The following TTLL5 variants were observed in gnomAD, a reference collection of about 807,000 sequenced individuals.
TTLL5 encodes tubulin polyglutamylase TTLL5.
In TTLL5, 132 loss-of-function variants were observed where a neutral mutation model predicts 168.4. That is an observed-to-expected ratio of 0.78 (90% CI 0.68 to 0.91). TTLL5 has a LOEUF of 0.91. TTLL5 is among the 40% of genes least tolerant of loss of function. The probability of loss-of-function intolerance (pLI) is 0.00; values close to 1 mark genes in which losing one functional copy is unlikely to be tolerated. For missense variants in TTLL5, 1,545 were observed against 1,581.5 expected (o/e 0.98, Z 0.39); for synonymous variants, 546 against 558.6 (o/e 0.98, Z 0.32).
At chr14:75,826,332 C>CACACAT (rs1555349336) in intron 28 of TTLL5, among the ~76,000 whole-genome samples, 3 of 150,682 alleles carry the variant, frequency 2.0e-5, no homozygotes, top group African/African-American at 7.3e-5. Context: ...CACACACACA[C>CACACAT]GAGTCTTTGT....
chr14:75,772,783 T>G (rs1158210864), intron 21 of TTLL5, among the ~76,000 whole-genome samples: 2 of 152,010 alleles, frequency 1.3e-5, no homozygotes, highest in Non-Finnish European at 2.9e-5. Context: ...TTCTCCTGCC[T>G]TAGCCTCCCA....
At chr14:75,663,003 C>T (rs767992774) in intron 1 of TTLL5, 52 bp from the exon 2 acceptor site, 4 of 729,112 alleles carry the variant, frequency 5.5e-6, no homozygotes, top group African/African-American at 1.7e-5. Context: ...AATAAATAGA[C>T]AACTGCATTG....
chr14:75,945,669 G>C (rs1176510851), intron 31 of TTLL5, among the ~76,000 whole-genome samples: 1 of 152,208 alleles, frequency 6.6e-6, no homozygotes, highest in Non-Finnish European at 1.5e-5. Flanking sequence ...CATTTGAGAA[G>C]GCCTAATAAA....
At chr14:75,665,228 A>G (rs1883170014) in intron 2 of TTLL5, among the ~76,000 whole-genome samples, 1 of 152,258 alleles carries the variant, frequency 6.6e-6, no homozygotes, top group Admixed American at 6.5e-5. Context: ...TTACTAATAC[A>G]TTAAATAATA....
chr14:75,914,033 A>AAAAATATATATATATATATATATAT, intron 31 of TTLL5, among the ~76,000 whole-genome samples: 2 of 71,116 alleles, frequency 2.8e-5, no homozygotes, highest in African/African-American at 1.6e-4. Context: ...AAAAAAAAAA[A>AAAAATATATATATATATATATATAT]ATATATATAT....
At chr14:75,727,783 C>T (rs1475549423) in intron 12 of TTLL5, 1 of 479,668 alleles carries the variant, frequency 2.1e-6, no homozygotes, top group South Asian at 1.5e-5. Flanking sequence ...CCATATGATT[C>T]CATTTATGTG....
intron 31 of TTLL5, among the ~76,000 whole-genome samples, chr14:75,914,725 G>A (rs1043650691): frequency 3.4e-5 from 5 of 147,518 alleles, no homozygotes; most frequent in African/African-American, 1.3e-4. Flanking sequence ...CCAGGTTCAC[G>A]CCATTCTCCT....
chr14:75,902,593 T>A lies in TTLL5; in HGVS notation c.3823+369T>A, dbSNP rs1308992863. 3 of 464,322 alleles carry A rather than the reference T, an allele frequency of 6.5e-6. No homozygotes were observed. In the Admixed American group the frequency reaches 7.0e-5, roughly 11 times the overall value. 28.8% of individuals were successfully genotyped at this position (464,322 alleles called of 1,614,324 possible). A position where few individuals can be genotyped will look rare whatever the true frequency, so the allele number is the denominator to read the frequency against. On this transcript the variant is annotated intron_variant, in intron 31 of 31. Coordinates refer to ENST00000298832, the MANE Select transcript of TTLL5 (RefSeq NM_015072.5). Reference sequence around the variant, plus strand: ...GCCCTGTGAGTTTGATCTTATCCCCTCCACATGAGGAAACAGGCTCAGAAA... The same window carrying A: ...GCCCTGTGAGTTTGATCTTATCCCCACCACATGAGGAAACAGGCTCAGAAA...
chr14:75,905,315 G>C (rs4903352), intron 31 of TTLL5, among the ~76,000 whole-genome samples: 126,568 of 152,212 alleles, frequency 0.83, 52,757 homozygotes, highest in Admixed American at 0.88. Flanking sequence ...AATTCTTCCT[G>C]TAAGTCTTGC....
intron 12 of TTLL5, among the ~76,000 whole-genome samples, chr14:75,728,325 T>TAGG (rs1888315110): frequency 1.4e-5 from 2 of 141,576 alleles, no homozygotes; most frequent in South Asian, 4.4e-4. Flanking sequence ...CATTGCACTC[T>TAGG]AGCCTGGGAG....
At chr14:75,850,429 T>A (rs894909313) in intron 28 of TTLL5, among the ~76,000 whole-genome samples, 12 of 95,654 alleles carry the variant, frequency 1.3e-4, no homozygotes, top group Non-Finnish European at 1.6e-4. Flanking sequence ...AAAAAAAAAA[T>A]TGGTAACTAA....
chr14:75,712,222 A>G lies in TTLL5; in HGVS notation c.740+4515A>G, dbSNP rs578022302. On this transcript the variant is annotated intron_variant, in intron 9 of 31. Coordinates refer to ENST00000298832, the MANE Select transcript of TTLL5 (RefSeq NM_015072.5). ...CCATAAGATTTTTCTGGGTCAGGCCAGGATGAAACCCAGTGGCTCCTGGCA... is the reference window on the plus strand; with the variant it reads ...CCATAAGATTTTTCTGGGTCAGGCCGGGATGAAACCCAGTGGCTCCTGGCA... The G allele has an allele frequency of 3.3e-5, 5 of 152,122 alleles. No individual in the cohort carries two copies. The South Asian group carries it at 1.0e-3, about 32-fold the overall frequency. 9.4% of individuals were successfully genotyped at this position (152,122 alleles called of 1,614,324 possible).
intron 23 of TTLL5, among the ~76,000 whole-genome samples, chr14:75,778,557 G>T (rs1336745045): frequency 6.6e-6 from 1 of 152,154 alleles, no homozygotes; most frequent in African/African-American, 2.4e-5. Context: ...AGACTTTAGG[G>T]TTTACGCTGA....
intron 30 of TTLL5, among the ~76,000 whole-genome samples, chr14:75,901,625 A>G (rs1368515293): frequency 3.3e-5 from 5 of 152,202 alleles, no homozygotes; most frequent in Non-Finnish European, 7.3e-5. Context: ...GTAGCACCCC[A>G]CAGTTGTGAT....
chr14:75,900,395 C>T (rs766504804), intron 30 of TTLL5, among the ~76,000 whole-genome samples: 4 of 152,196 alleles, frequency 2.6e-5, no homozygotes, highest in South Asian at 2.1e-4. Flanking sequence ...CGGCATGTCT[C>T]TTTCAGGGTT....
At chr14:75,937,149 GCT>G (rs2034457626) in intron 31 of TTLL5, among the ~76,000 whole-genome samples, 1 of 147,226 alleles carries the variant, frequency 6.8e-6, no homozygotes, top group South Asian at 2.1e-4. Flanking sequence ...TCAGAGTCTT[GCT>G]CTGTCACCAG....
At chr14:75,811,504 A>G (rs1218217579) in intron 27 of TTLL5, among the ~76,000 whole-genome samples, 1 of 151,944 alleles carries the variant, frequency 6.6e-6, no homozygotes, top group East Asian at 1.9e-4. Flanking sequence ...CTGTTCTTTT[A>G]TGGCACTTAC....
At chr14:75,875,877 A>G (rs1464550201) in intron 29 of TTLL5, among the ~76,000 whole-genome samples, 2 of 152,264 alleles carry the variant, frequency 1.3e-5, no homozygotes, top group African/African-American at 2.4e-5. Flanking sequence ...TTAACAGGTT[A>G]TCTCTGAGAG....
At chr14:75,822,092 T>C (rs933000326) in intron 28 of TTLL5, among the ~76,000 whole-genome samples, 1 of 152,168 alleles carries the variant, frequency 6.6e-6, no homozygotes, top group Non-Finnish European at 1.5e-5. Context: ...CAGAGGTCTT[T>C]CCAGACTTGG....
Sources: allele counts gnomAD v4.1 joint callset (sites outside exome capture counted in the v4.1 genomes callset), GRCh38; gene constraint gnomAD v4.1.1; transcripts MANE v1.5; gene names NCBI Gene and HGNC (gene_info 2026-07-23, HGNC 2026-07-21).